The following IL21 variants were observed in gnomAD, a reference collection of about 807,000 sequenced individuals.
The protein encoded by IL21 is interleukin 21, also known as interleukin-21.
In IL21, 3 loss-of-function variants were observed where a neutral mutation model predicts 18.4. That is an observed-to-expected ratio of 0.16 (90% CI 0.07 to 0.42). The LOEUF is 0.42. Ranked by LOEUF, IL21 falls within the 10% of genes least tolerant of loss-of-function variation. The pLI, the probability that IL21 is intolerant of heterozygous loss-of-function variation, is 0.99. For missense variants in IL21, 130 were observed against 188.4 expected, an observed-to-expected ratio of 0.69 and a Z score of 1.81; for synonymous variants, 37 against 62.0, an observed-to-expected ratio of 0.60 and a Z score of 1.90.
rs1374105699 is a variant in IL21 at position 122,620,939 on chromosome 4, G to A, written c.73C>T (p.His25Tyr). Residue 25 changes from histidine to tyrosine, a missense_variant, in exon 1 of 5, where the codon CAC (histidine) becomes TAC (tyrosine). Coordinates refer to ENST00000648588, the MANE Select transcript of IL21 (RefSeq NM_021803.4). Reference sequence around the variant, plus strand: ...TCTTGACCTTGGGAGCTTGATTTGTGGACCAGTGTCCCCAAGAAGATGACC... The same window carrying A: ...TCTTGACCTTGGGAGCTTGATTTGTAGACCAGTGTCCCCAAGAAGATGACC... ...LMVIFLGTLV[H>Y]KSSSQGQDRH... 1 of 1,613,926 alleles carries A rather than the reference G, an allele frequency of 6.2e-7. No homozygotes were observed. Among genetic ancestry groups the A allele is most frequent in the East Asian group, 2.2e-5 (1 of 44,882 alleles).
chr4:122,619,447 C>T (rs1799391912), intron 2 of IL21: 1 of 152,140 alleles, frequency 6.6e-6, no homozygotes, highest in Non-Finnish European at 1.5e-5. Flanking sequence ...CTTTCATTAA[C>T]AACACACGTA....
rs201614580 is a variant in IL21, at chr4:122,612,770, T to C, written c.439-10A>G. 5.0e-6 allele frequency: 8 copies of C among 1,613,624 alleles called. No individual in the cohort carries two copies. Among genetic ancestry groups the C allele is most frequent in the South Asian group, 2.2e-5 (2 of 91,076 alleles). ...GATGCTGATGAATCATCTGTGGAAA[T>C]AGTATACCGTGAGTAACTAAGAAGC... On this transcript the variant is annotated splice_polypyrimidine_tract_variant and intron_variant, in intron 4 of 4. Transcript: ENST00000648588.
intron 3 of IL21, among the ~76,000 whole-genome samples, chr4:122,614,449 G>T (rs1201329005): frequency 6.6e-6 from 1 of 151,898 alleles, no homozygotes; most frequent in Non-Finnish European, 1.5e-5. Context: ...GCTAACACCT[G>T]TAATCCCAGC....
chr4:122,614,745 A>G (rs1799313800), intron 3 of IL21, among the ~76,000 whole-genome samples: 1 of 151,860 alleles, frequency 6.6e-6, no homozygotes, highest in South Asian at 2.1e-4. Context: ...TATTTTATGT[A>G]TTTTCCCACT....
chr4:122,614,785 T>C (rs1799314262), intron 3 of IL21, among the ~76,000 whole-genome samples: 1 of 152,188 alleles, frequency 6.6e-6, no homozygotes, highest in East Asian at 1.9e-4. Flanking sequence ...CTCATGTTCT[T>C]GGGTATCTGC....
chr4:122,618,658 T>C (rs2150688258), intron 2 of IL21, among the ~76,000 whole-genome samples: 1 of 151,968 alleles, frequency 6.6e-6, no homozygotes, highest in South Asian at 2.1e-4. Context: ...ATACAAAAAT[T>C]AGCTGGGTGT....
intron 2 of IL21, among the ~76,000 whole-genome samples, chr4:122,616,433 A>G (rs922083016): frequency 6.6e-6 from 1 of 152,190 alleles, no homozygotes; most frequent in Admixed American, 6.5e-5. Flanking sequence ...TCCCTCTGAT[A>G]GCATATTTTA....
chr4:122,611,876 A>C lies in IL21; in HGVS notation c.*834T>G, dbSNP rs1799266903. ...TTACTAGCTTGCTCATAATATGATC[A>C]TTATAACAGTTTGAGAAGAGAGCTA... is the stretch of plus-strand genomic sequence containing the variant. On this transcript the variant is annotated 3_prime_UTR_variant, in exon 5 of 5. Transcript: ENST00000648588. Among the ~76,000 whole-genome samples, 1 of 152,194 alleles carries C rather than the reference A, an allele frequency of 6.6e-6. No homozygotes were observed. Among genetic ancestry groups the C allele is most frequent in the Admixed American group, 6.5e-5 (1 of 15,278 alleles).
chr4:122,612,804 A>G (rs1486136050), intron 4 of IL21, 44 bp from the exon 5 acceptor site: 1 of 1,612,826 alleles, frequency 6.2e-7, no homozygotes, highest in Non-Finnish European at 8.5e-7. Context: ...GCAAATCTGG[A>G]TAGGTAAAGA....
chr4:122,614,723 T>C (rs1799313525), intron 3 of IL21, among the ~76,000 whole-genome samples: 1 of 152,060 alleles, frequency 6.6e-6, no homozygotes, highest in African/African-American at 2.4e-5. Context: ...AAAATTTTTT[T>C]TGAGAGTAAT....
intron 3 of IL21, among the ~76,000 whole-genome samples, chr4:122,615,234 C>CG (rs970547247): frequency 2.6e-5 from 4 of 152,128 alleles, no homozygotes; most frequent in African/African-American, 9.7e-5. Flanking sequence ...AAATGCACCA[C>CG]GTATAGGCCG....
chr4:122,611,047 G>A lies in IL21; in HGVS notation c.*1663C>T, dbSNP rs62324197. 0.052 allele frequency among the ~76,000 whole-genome samples: 7,887 copies of A among 152,232 alleles called. 280 individuals carry two copies. Among genetic ancestry groups the A allele is most frequent in the Non-Finnish European group, 0.075 (5,111 of 67,978 alleles). ...AAAAGAAATACATTATTTTAAATAT[G>A]AAATACAATATCCAAGAAGTTAATA... On this transcript the variant is annotated 3_prime_UTR_variant, in exon 5 of 5. Transcript: ENST00000648588.
chr4:122,611,088 A>G lies in IL21; in HGVS notation c.*1622T>C, dbSNP rs1182119310. 2.0e-5 allele frequency among the ~76,000 whole-genome samples: 3 copies of G among 152,216 alleles called. No homozygotes were observed. The highest frequency in any genetic ancestry group is 2.9e-5 in the Non-Finnish European group (2 of 68,028). On this transcript the variant is annotated 3_prime_UTR_variant, in exon 5 of 5. Transcript: ENST00000648588. ...GAAGTTAATAGCTATACATTCAGAA[A>G]CAAGAAATACAGATTCCATCTTTCT...
Position 122,615,820 on chromosome 4 carries a change from T to C in IL21, c.222A>G (p.Ser74=), listed in dbSNP as rs141088343. The C allele has an allele frequency of 3.1e-6, 5 of 1,610,982 alleles. No homozygotes were observed. The highest frequency in any genetic ancestry group is 4.2e-6 in the Non-Finnish European group (5 of 1,178,454). ...PEDVETNCEW[S]AFSCFQKAQL... ...GGGCCTTCTGAAAGCAGGAAAAAGC[T>C]GACCACTCACAGTTTGTCTGAAAGA... The change falls in exon 3 of 5, where the codon TCA becomes TCG. Residue 74 remains serine, a synonymous_variant. Coordinates refer to ENST00000648588, the MANE Select transcript of IL21 (RefSeq NM_021803.4).
At chr4:122,617,121 A>G (rs762977751) in intron 2 of IL21, among the ~76,000 whole-genome samples, 2 of 152,242 alleles carry the variant, frequency 1.3e-5, no homozygotes, top group African/African-American at 4.8e-5. Flanking sequence ...CTTTGCATAT[A>G]TAGCCACAAG....
Position 122,618,850 on chromosome 4 carries a change from A to G in IL21, c.204+1851T>C, listed in dbSNP as rs949873249. ...AAAAAAAGGATTACCTTTGTCCTAC[A>G]CACAAACTAGGTTTATATCAGGGTT... On this transcript the variant is annotated intron_variant, in intron 2 of 4. Transcript: ENST00000648588. 3.3e-5 allele frequency: 5 copies of G among 150,824 alleles called. No homozygotes were observed. The South Asian group carries it at 6.3e-4, about 19-fold the overall frequency. 9.3% of individuals were successfully genotyped at this position (150,824 alleles called of 1,614,324 possible).
Position 122,615,686 on chromosome 4 carries a change from C to G in IL21, c.356G>C (p.Arg119Thr). The G allele has an allele frequency of 1.2e-6, 2 of 1,610,578 alleles. No homozygotes were observed. Among genetic ancestry groups the G allele is most frequent in the Non-Finnish European group, 1.7e-6 (2 of 1,178,790 alleles). ...GATGACAAATGACAATCTTACTAGT[C>G]TGTGTTTCTGTCTTCTCCCTGCATT... ...STNAGRRQKHRLTCPSCDSYE... is the reference protein window; with the variant it reads ...STNAGRRQKHTLTCPSCDSYE... The change falls in exon 3 of 5, where the codon AGA becomes ACA. Residue 119 changes from arginine to threonine, a missense_variant. Arg to Thr is a moderately conservative substitution (Grantham distance 71). Transcript: ENST00000648588.
In IL21 at chr4:122,612,457, C is replaced by T. The variant is rs1251555985; in HGVS notation, c.*253G>A. On this transcript the variant is annotated 3_prime_UTR_variant, in exon 5 of 5. Transcript: ENST00000648588. ...TGTATTTTTGGTTAAAAATTTTAGC[C>T]TTCTCCTTCAACCAAGAAATGTCAA... Among the ~76,000 whole-genome samples the T allele has an allele frequency of 6.6e-6, 1 of 151,946 alleles. No homozygotes were observed. Among genetic ancestry groups the T allele is most frequent in the Non-Finnish European group, 1.5e-5 (1 of 67,970 alleles).
chr4:122,615,860 A>G, intron 2 of IL21, 23 bp from the exon 3 acceptor site: 2 of 1,579,370 alleles, frequency 1.3e-6, no homozygotes, highest in Non-Finnish European at 1.7e-6. Flanking sequence ...CAATTTGTAT[A>G]TATGTTAACA....
Sources: gnomAD v4.1 joint callset for allele counts (sites outside exome capture counted in the v4.1 genomes callset) on GRCh38, gnomAD v4.1.1 for gene constraint, MANE v1.5 for transcripts, NCBI Gene and HGNC (gene_info 2026-07-23, HGNC 2026-07-21) for gene names.